PCDHGB2: variants seen among roughly 807,000 people sequenced by gnomAD.
The protein encoded by PCDHGB2 is protocadherin gamma subfamily B, 2.
In PCDHGB2, 55 loss-of-function variants were observed where a neutral mutation model predicts 59.3. The observed-to-expected ratio is 0.93, with a 90% confidence interval of 0.75 to 1.16. The LOEUF (loss-of-function observed/expected upper bound fraction) is 1.16, where lower values mean the gene tolerates loss of function less well. Among genes scored for constraint, PCDHGB2 ranks in the 50% most tolerant of loss-of-function variants. PCDHGB2 has a pLI of 0.00. For synonymous variants in PCDHGB2, 516 were observed against 512.0 expected (o/e 1.01, Z -0.11); for missense variants, 1,228 against 1,198.5 (o/e 1.02, Z -0.36).
At chr5:141,408,400 G>A (rs2095097999) in intron 1 of PCDHGB2, 2 of 1,614,052 alleles carry the variant, frequency 1.2e-6, no homozygotes, top group Non-Finnish European at 1.7e-6. Flanking sequence ...CTCGCAAGCT[G>A]CGAGTGAGCG....
In PCDHGB2 at chr5:141,486,819, T is replaced by TG; in HGVS notation, c.2422-7988_2422-7987insG. 6.2e-7 allele frequency: 1 copy of TG among 1,614,212 alleles called. No homozygotes were observed. Among genetic ancestry groups the TG allele is most frequent in the Non-Finnish European group, 8.5e-7 (1 of 1,180,034 alleles). On this transcript the variant is annotated intron_variant, in intron 1 of 3. Coordinates refer to ENST00000522605, the MANE Select transcript of PCDHGB2 (RefSeq NM_018923.3). The surrounding 1 kb of genome is among the most constrained non-coding windows in gnomAD (Gnocchi z 5.0). ...GGCAACCCACCCCTTAGCAGCACTG[T>TG]AACAGTTCGTCTATTTGTGCTGGAC...
chr5:141,367,062 T>C (rs1420841917), intron 1 of PCDHGB2: 1 of 308,254 alleles, frequency 3.2e-6, no homozygotes, highest in East Asian at 7.5e-5. Context: ...ATGTTTTATT[T>C]ATTCAAATTG....
chr5:141,508,171 A>G (rs1364776681), intron 3 of PCDHGB2: 2 of 152,406 alleles, frequency 1.3e-5, no homozygotes, highest in African/African-American at 4.8e-5. Context: ...AGGCTGGCAC[A>G]GGAGAGAAGG....
intron 1 of PCDHGB2, chr5:141,371,939 C>T (rs1561553418): frequency 6.2e-7 from 1 of 1,613,300 alleles, no homozygotes; most frequent in South Asian, 1.1e-5. Context: ...GGGTGGTGTT[C>T]GCGCAGCGAG....
rs750216656 is a variant in PCDHGB2 at position 141,422,121 on chromosome 5, A to G, written c.2421+59565A>G. 4.4e-6 allele frequency: 7 copies of G among 1,602,838 alleles called. No individual in the cohort carries two copies. In the Admixed American group the frequency reaches 8.8e-5, roughly 20 times the overall value. On this transcript the variant is annotated intron_variant, in intron 1 of 3. Coordinates refer to ENST00000522605, the MANE Select transcript of PCDHGB2 (RefSeq NM_018923.3). ...CTGAAATATTCCAATTGGATTCACA[A>G]ACTGGAGAAGTTCAAGTACGGGGGT...
At chr5:141,397,507 T>C (rs2093532297) in intron 1 of PCDHGB2, among the ~76,000 whole-genome samples, 1 of 152,222 alleles carries the variant, frequency 6.6e-6, no homozygotes, top group Non-Finnish European at 1.5e-5. Flanking sequence ...GATAAAATTG[T>C]TTCCATAGCT....
In PCDHGB2 at chr5:141,485,125, G is replaced by A. The variant is rs776015544; in HGVS notation, c.2422-9682G>A. 7.1e-7 allele frequency: 1 copy of A among 1,412,160 alleles called. No homozygotes were observed. The highest frequency in any genetic ancestry group is 1.2e-5 in the South Asian group (1 of 81,022). The allele number at this position is 1,412,160 out of a possible 1,614,324, so 87.5% of individuals were successfully genotyped here. On this transcript the variant is annotated intron_variant, in intron 1 of 3. Transcript: ENST00000522605. This position sits in a 1 kb window ranked among gnomAD's most constrained non-coding sequence, Gnocchi z 5.7. ...CTGCTGTGGCTGTTTGGGGCGGGTC[G>A]GCTTCATCCGCGTCTCAGGAGCAAG... is the stretch of plus-strand genomic sequence containing the variant.
intron 1 of PCDHGB2, chr5:141,371,629 G>C (rs749054700): frequency 2.2e-5 from 36 of 1,613,866 alleles, no homozygotes; most frequent in Middle Eastern, 1.6e-4. Context: ...GCCCTGGACC[G>C]GGAGCAGATC....
At chr5:141,388,228 A>G (rs768450383) in intron 1 of PCDHGB2, 9 of 1,605,464 alleles carry the variant, frequency 5.6e-6, no homozygotes, top group Non-Finnish European at 7.7e-6. Context: ...AATCCACTGA[A>G]CTTTTATCAC....
chr5:141,404,965 C>A, intron 1 of PCDHGB2: 1 of 1,614,030 alleles, frequency 6.2e-7, no homozygotes, highest in Non-Finnish European at 8.5e-7. Context: ...TCCCAGACAT[C>A]CTGGCTGACC....
intron 1 of PCDHGB2, among the ~76,000 whole-genome samples, chr5:141,369,500 C>G (rs1329582945): frequency 2.0e-5 from 3 of 151,738 alleles, no homozygotes; most frequent in Non-Finnish European, 4.4e-5. Context: ...AACCCCACCT[C>G]TATAGAAAAA....
At chr5:141,393,175 T>C in intron 1 of PCDHGB2, 2 of 1,613,210 alleles carry the variant, frequency 1.2e-6, no homozygotes, top group Non-Finnish European at 1.7e-6. Flanking sequence ...GGGGTAGAAA[T>C]AGAAATAATT....
chr5:141,428,067 G>GC, intron 1 of PCDHGB2: 2 of 1,609,228 alleles, frequency 1.2e-6, no homozygotes, highest in Non-Finnish European at 1.7e-6. Context: ...GGTGGACGCA[G>GC]ATTCGGGACA....
intron 1 of PCDHGB2, chr5:141,384,968 C>T (rs1345751127): frequency 1.2e-6 from 2 of 1,613,962 alleles, no homozygotes; most frequent in East Asian, 2.2e-5. Context: ...TATGACCTCA[C>T]GTTGTACCTG....
intron 1 of PCDHGB2, chr5:141,384,509 G>T: frequency 6.2e-7 from 1 of 1,614,176 alleles, no homozygotes; most frequent in Non-Finnish European, 8.5e-7. Flanking sequence ...GCACATGACA[G>T]CGGGGACCCG....
chr5:141,456,701 G>A lies in PCDHGB2; in HGVS notation c.2422-38106G>A, dbSNP rs370086323. ...CATTACTGGCCAGGCGTGGTGGCTC[G>A]CGCCTGTAATCCCAGCACTTTGGGA... On this transcript the variant is annotated intron_variant, in intron 1 of 3. Transcript: ENST00000522605. 2.3e-4 allele frequency among the ~76,000 whole-genome samples: 35 copies of A among 152,106 alleles called. No homozygotes were observed. The South Asian group carries it at 4.8e-3, about 21-fold the overall frequency.
chr5:141,372,210 T>A, intron 1 of PCDHGB2: 3 of 1,613,574 alleles, frequency 1.9e-6, no homozygotes, highest in Non-Finnish European at 2.5e-6. Flanking sequence ...CTGGCTGTCC[T>A]ACCACATTGT....
chr5:141,454,740 G>GAGGCC (rs2098797560), intron 1 of PCDHGB2, among the ~76,000 whole-genome samples: 1 of 147,160 alleles, frequency 6.8e-6, no homozygotes, highest in Non-Finnish European at 1.5e-5. Flanking sequence ...AGGATGAAAA[G>GAGGCC]AGGCCAAACT....
At chr5:141,413,329 A>G (rs762420040) in intron 1 of PCDHGB2, 1 of 1,613,966 alleles carries the variant, frequency 6.2e-7, no homozygotes, top group Non-Finnish European at 8.5e-7. Context: ...CGTGGGCAAC[A>G]TCTCCAAGGA....
Sources: allele counts gnomAD v4.1 joint callset (sites outside exome capture counted in the v4.1 genomes callset), GRCh38; gene constraint gnomAD v4.1.1; non-coding constraint Gnocchi (gnomAD v3.1); transcripts MANE v1.5; gene names NCBI Gene and HGNC (gene_info 2026-07-23, HGNC 2026-07-21).